The following CSMD1 variants were observed in gnomAD, a reference collection of about 807,000 sequenced individuals.
CSMD1 encodes the protein CUB and Sushi multiple domains 1, also known as CUB and sushi domain-containing protein 1.
Under a neutral mutation model 417.5 loss-of-function variants are expected in CSMD1, and 213 were observed. The ratio of observed to expected loss-of-function variants is 0.51; its 90% CI spans 0.46 to 0.57. The LOEUF is 0.57. Among genes scored for constraint, CSMD1 ranks in the 20% least tolerant of loss-of-function variants. The pLI is 0.00. For missense variants in CSMD1, 6,923 were observed against 4,529.7 expected, an observed-to-expected ratio of 1.53 and a Z score of -15.17; for synonymous variants, 2,862 against 1,736.8, an observed-to-expected ratio of 1.65 and a Z score of -16.11.
At chr8:4,734,472 G>C (rs1810097601) in intron 1 of CSMD1, among the ~76,000 whole-genome samples, 1 of 152,042 alleles carries the variant, frequency 6.6e-6, no homozygotes. Flanking sequence ...AACTTTTCTT[G>C]TGTGGCCAGA....
intron 2 of CSMD1, among the ~76,000 whole-genome samples, chr8:4,551,328 G>A (rs762386310): frequency 5.9e-5 from 9 of 152,026 alleles, no homozygotes; most frequent in East Asian, 1.9e-4. Flanking sequence ...ATGGTCCCCC[G>A]GCTGTGAGTG....
At chr8:4,780,948 CA>C (rs1255472188) in intron 1 of CSMD1, among the ~76,000 whole-genome samples, 1 of 152,172 alleles carries the variant, frequency 6.6e-6, no homozygotes. Flanking sequence ...TTATAAGGCT[CA>C]AGCAATGACC....
At chr8:4,026,598 C>G (rs1482152588) in intron 4 of CSMD1, among the ~76,000 whole-genome samples, 1 of 152,228 alleles carries the variant, frequency 6.6e-6, no homozygotes, top group Non-Finnish European at 1.5e-5. Flanking sequence ...AAGGACACTG[C>G]CACTCACAGT....
chr8:3,832,336 T>G (rs192835453), intron 5 of CSMD1, among the ~76,000 whole-genome samples: 1 of 152,342 alleles, frequency 6.6e-6, no homozygotes, highest in African/African-American at 2.4e-5. Context: ...GTTCAAAATA[T>G]ATACCGCAAA....
intron 3 of CSMD1, among the ~76,000 whole-genome samples, chr8:4,142,386 G>A (rs1803843381): frequency 6.6e-6 from 1 of 150,984 alleles, no homozygotes; most frequent in Non-Finnish European, 1.5e-5. Flanking sequence ...GCCTCAGGGA[G>A]AGGACAGTTT....
chr8:4,066,148 A>G (rs1187824658), intron 3 of CSMD1, among the ~76,000 whole-genome samples: 6 of 142,662 alleles, frequency 4.2e-5, no homozygotes, highest in African/African-American at 1.5e-4. Context: ...TCTGTTTGGA[A>G]GACTCACCCA....
chr8:3,067,934 G>C (rs1057006066), intron 49 of CSMD1, among the ~76,000 whole-genome samples: 1 of 151,990 alleles, frequency 6.6e-6, no homozygotes, highest in East Asian at 1.9e-4. Flanking sequence ...ATCTAGTAAG[G>C]GGTAAAGCCA....
chr8:3,488,001 A>T (rs544183536), intron 11 of CSMD1, among the ~76,000 whole-genome samples: 65 of 148,864 alleles, frequency 4.4e-4, no homozygotes, highest in Non-Finnish European at 8.3e-4. Context: ...TAAAAAAAAG[A>T]CCCTACAAAC....
intron 10 of CSMD1, among the ~76,000 whole-genome samples, chr8:3,556,230 G>A (rs1300979161): frequency 6.6e-6 from 1 of 151,350 alleles, no homozygotes; most frequent in Non-Finnish European, 1.5e-5. Flanking sequence ...GAATTTAGGA[G>A]GGATCCTTTC....
intron 1 of CSMD1, among the ~76,000 whole-genome samples, chr8:4,645,128 C>T (rs1803440007): frequency 6.6e-6 from 1 of 152,152 alleles, no homozygotes; most frequent in African/African-American, 2.4e-5. Context: ...TCCTTAAATA[C>T]TCCCTGCTTT....
chr8:3,436,425 C>G (rs577540816), intron 12 of CSMD1, among the ~76,000 whole-genome samples: 2 of 152,160 alleles, frequency 1.3e-5, no homozygotes, highest in East Asian at 3.9e-4. Flanking sequence ...GGTCTTTTGC[C>G]CAGTTGCTAC....
chr8:4,417,353 G>C (rs557134132), intron 3 of CSMD1, among the ~76,000 whole-genome samples: 1 of 152,070 alleles, frequency 6.6e-6, no homozygotes, highest in East Asian at 1.9e-4. Context: ...AGTACTGCCA[G>C]ACAACAGTTG....
chr8:3,048,257 T>G (rs1473665764), intron 50 of CSMD1, among the ~76,000 whole-genome samples: 1 of 152,180 alleles, frequency 6.6e-6, no homozygotes, highest in Non-Finnish European at 1.5e-5. Flanking sequence ...AGATGTTATT[T>G]TAATTAATTT....
At chr8:3,804,628 C>T (rs780373311) in intron 5 of CSMD1, among the ~76,000 whole-genome samples, 9 of 151,556 alleles carry the variant, frequency 5.9e-5, no homozygotes, top group African/African-American at 1.5e-4. Flanking sequence ...AATCACTTTA[C>T]GATAAAATGC....
intron 2 of CSMD1, among the ~76,000 whole-genome samples, chr8:4,525,847 G>A (rs1171962839): frequency 6.6e-6 from 1 of 152,052 alleles, no homozygotes; most frequent in African/African-American, 2.4e-5. Context: ...CTTGACATGT[G>A]TCCACAGTTC....
At chr8:3,435,296 C>T (rs1489924658) in intron 12 of CSMD1, among the ~76,000 whole-genome samples, 1 of 151,770 alleles carries the variant, frequency 6.6e-6, no homozygotes, top group Non-Finnish European at 1.5e-5. Context: ...GCACATATTT[C>T]ACTGGGAAAG....
chr8:4,263,207 G>A (rs1047128286), intron 3 of CSMD1, among the ~76,000 whole-genome samples: 5 of 149,892 alleles, frequency 3.3e-5, no homozygotes, highest in Admixed American at 6.8e-5. Context: ...TCTAGTATTC[G>A]AGGGCTAAAG....
intron 23 of CSMD1, among the ~76,000 whole-genome samples, chr8:3,330,372 A>T (rs1485718187): frequency 6.6e-6 from 1 of 152,228 alleles, no homozygotes; most frequent in Non-Finnish European, 1.5e-5. Flanking sequence ...GAGACTGGAT[A>T]AAGAAAGTAT....
chr8:3,958,880 A>C (rs1563254548), intron 5 of CSMD1, among the ~76,000 whole-genome samples: 1 of 152,222 alleles, frequency 6.6e-6, no homozygotes, highest in African/African-American at 2.4e-5. Flanking sequence ...GAAAAAGAGA[A>C]CAGATATTCA....
Sources: allele counts gnomAD v4.1 joint callset (sites outside exome capture counted in the v4.1 genomes callset), GRCh38; gene constraint gnomAD v4.1.1; transcripts MANE v1.5; gene names NCBI Gene and HGNC (gene_info 2026-07-23, HGNC 2026-07-21).